Variants in USP44 observed in about 807,000 individuals in gnomAD.
USP44 encodes ubiquitin carboxyl-terminal hydrolase 44.
Under a neutral mutation model 69.0 loss-of-function variants are expected in USP44, and 61 were observed. That is an observed-to-expected ratio of 0.88 (90% CI 0.72 to 1.09). The LOEUF (loss-of-function observed/expected upper bound fraction) is 1.09, where lower values mean the gene tolerates loss of function less well. Among genes scored for constraint, USP44 ranks in the 50% least tolerant of loss-of-function variants. The pLI, the probability that USP44 is intolerant of heterozygous loss-of-function variation, is 0.00. For missense variants in USP44, 753 were observed against 849.9 expected (o/e 0.89, Z 1.42); for synonymous variants, 297 against 295.4 (o/e 1.01, Z -0.06).
chr12:95,541,279 AAAT>A (rs1281079653), intron 1 of USP44, among the ~76,000 whole-genome samples: 3 of 152,142 alleles, frequency 2.0e-5, no homozygotes, highest in African/African-American at 4.8e-5. Flanking sequence ...CTGTTTCAAA[AAAT>A]AATAATAATA....
At position 95,519,432 on chromosome 12, in the gene USP44, A is replaced by ACTTTTT. The variant is rs199606254; in HGVS notation, c.1940-1080_1940-1079insAAAAAG. ...TTCAGACAAGGTATACTCAATCTGT[A>ACTTTTT]TTTTTTTTTTTTTTTTTTTTTTTTT... On this transcript the variant is annotated intron_variant, in intron 5 of 5. Coordinates refer to ENST00000258499, the MANE Select transcript of USP44 (RefSeq NM_032147.5). 1.2e-3 allele frequency among the ~76,000 whole-genome samples: 104 copies of ACTTTTT among 84,526 alleles called. 2 individuals carry two copies. Among genetic ancestry groups the ACTTTTT allele is most frequent in the Non-Finnish European group, 1.3e-3 (61 of 46,436 alleles). 55.5% of individuals were successfully genotyped at this position (84,526 alleles called of 152,430 possible).
chr12:95,524,327 C>G (rs2076763076), intron 4 of USP44, among the ~76,000 whole-genome samples: 1 of 151,542 alleles, frequency 6.6e-6, no homozygotes. Context: ...GGTGATCCAC[C>G]TGCCTCGGCC....
At chr12:95,518,404 G>T in intron 5 of USP44, 51 bp from the exon 6 acceptor site, 2 of 1,575,448 alleles carry the variant, frequency 1.3e-6, no homozygotes, top group Non-Finnish European at 1.7e-6. Context: ...GAAAATTCTA[G>T]TATGAAAGGC....
rs17024344 is a variant in USP44 at position 95,535,807 on chromosome 12, C to G, written c.-70-1481G>C. ...CTAGTTACGGAACACTAAAAACACC[C>G]TATGTATCATGACCAAGGCATTAAA... On this transcript the variant is annotated intron_variant, in intron 1 of 5. Transcript: ENST00000258499. 8.4e-4 allele frequency among the ~76,000 whole-genome samples: 128 copies of G among 152,180 alleles called. 2 individuals carry two copies. The East Asian group carries it at 0.015, about 18-fold the overall frequency.
Position 95,518,093 on chromosome 12 carries a change from A to ACAT in USP44, c.*58_*60dup. On this transcript the variant is annotated 3_prime_UTR_variant, in exon 6 of 6. Coordinates refer to ENST00000258499, the MANE Select transcript of USP44 (RefSeq NM_032147.5). ...AAGAAAAAATGAAGTTTAAAATGGT[A>ACAT]CATCAGTCTTTTAAAAAGTATATAT... 6.5e-7 allele frequency: 1 copy of ACAT among 1,542,300 alleles called. No individual in the cohort carries two copies. Among genetic ancestry groups the ACAT allele is most frequent in the South Asian group, 1.2e-5 (1 of 86,320 alleles).
intron 1 of USP44, among the ~76,000 whole-genome samples, chr12:95,537,361 C>T (rs2077239398): frequency 6.6e-6 from 1 of 152,068 alleles, no homozygotes; most frequent in Non-Finnish European, 1.5e-5. Context: ...CTCTGTCGCC[C>T]AGGCTGGAGT....
intron 3 of USP44, among the ~76,000 whole-genome samples, chr12:95,528,167 CT>C (rs1430701522): frequency 6.6e-6 from 1 of 152,198 alleles, no homozygotes; most frequent in Admixed American, 6.5e-5. Context: ...ACTGAAGTGG[CT>C]GTTTCACCCC....
At chr12:95,547,676 C>G (rs1441047539) in intron 1 of USP44, among the ~76,000 whole-genome samples, 2 of 152,304 alleles carry the variant, frequency 1.3e-5, no homozygotes, top group South Asian at 4.1e-4. Flanking sequence ...CTTTCACCCC[C>G]ACAGGCAGCT....
chr12:95,527,483 ATG>A (rs1303507000), intron 3 of USP44, among the ~76,000 whole-genome samples: 6 of 151,880 alleles, frequency 4.0e-5, no homozygotes, highest in Non-Finnish European at 7.4e-5. Flanking sequence ...GACACAGTAG[ATG>A]TTTTTGTGTG....
At chr12:95,537,000 T>C (rs897644318) in intron 1 of USP44, among the ~76,000 whole-genome samples, 35 of 152,110 alleles carry the variant, frequency 2.3e-4, no homozygotes, top group African/African-American at 8.2e-4. Context: ...AAGAAATCTG[T>C]AGAGGAGAAT....
chr12:95,544,746 G>A (rs1012174189), intron 1 of USP44, among the ~76,000 whole-genome samples: 2 of 152,110 alleles, frequency 1.3e-5, no homozygotes, highest in African/African-American at 4.8e-5. Context: ...AAGAAAAAAA[G>A]AATTAATCTA....
In USP44 at chr12:95,521,242, G is replaced by A. The variant is rs772474886; in HGVS notation, c.1734-40C>T. On this transcript the variant is annotated intron_variant, in intron 4 of 5. Transcript: ENST00000258499. ...GTGTAAAATTATCCACACAATTAAG[G>A]GAAAATAACCACGTACTAGGTCTAG... 3 of 1,600,462 alleles carry A rather than the reference G, an allele frequency of 1.9e-6. No individual in the cohort carries two copies. The South Asian group carries it at 3.3e-5, about 18-fold the overall frequency.
intron 1 of USP44, among the ~76,000 whole-genome samples, chr12:95,538,525 G>A (rs899639617): frequency 5.0e-5 from 6 of 120,634 alleles, no homozygotes; most frequent in African/African-American, 2.3e-4. Flanking sequence ...CCTCTCCCAG[G>A]GGAATTTGCA....
At chr12:95,539,294 A>C (rs1592730329) in intron 1 of USP44, among the ~76,000 whole-genome samples, 2 of 145,996 alleles carry the variant, frequency 1.4e-5, no homozygotes, top group East Asian at 2.0e-4. Flanking sequence ...GGCGCGATCT[A>C]GGCTCACTGC....
chr12:95,531,921 A>G (rs1325655591), intron 2 of USP44, among the ~76,000 whole-genome samples: 2 of 152,202 alleles, frequency 1.3e-5, no homozygotes, highest in Non-Finnish European at 2.9e-5. Context: ...GAGAACCTTT[A>G]CTTCGAAGAT....
At chr12:95,541,263 G>A (rs942754873) in intron 1 of USP44, among the ~76,000 whole-genome samples, 4 of 152,078 alleles carry the variant, frequency 2.6e-5, no homozygotes, top group African/African-American at 9.7e-5. Flanking sequence ...GCGACAGAGT[G>A]AAACTCTGTT....
At chr12:95,521,807 C>A (rs1014295037) in intron 4 of USP44, among the ~76,000 whole-genome samples, 1 of 152,054 alleles carries the variant, frequency 6.6e-6, no homozygotes, top group Non-Finnish European at 1.5e-5. Context: ...GTTTTTAATT[C>A]CTTACTGTCT....
intron 1 of USP44, among the ~76,000 whole-genome samples, chr12:95,545,908 T>C (rs1434531568): frequency 2.6e-5 from 4 of 152,180 alleles, no homozygotes; most frequent in African/African-American, 4.8e-5. Flanking sequence ...AATCTATAAT[T>C]ACCCTGATCT....
At chr12:95,530,991 C>T (rs1048356398) in intron 2 of USP44, among the ~76,000 whole-genome samples, 7 of 152,080 alleles carry the variant, frequency 4.6e-5, no homozygotes, top group African/African-American at 9.6e-5. Flanking sequence ...GGTGAAACCC[C>T]GTCTCTACTA....
Sources: gnomAD v4.1 joint callset for allele counts (sites outside exome capture counted in the v4.1 genomes callset) on GRCh38, gnomAD v4.1.1 for gene constraint, MANE v1.5 for transcripts, NCBI Gene and HGNC (gene_info 2026-07-23, HGNC 2026-07-21) for gene names.